MCC: variants seen among roughly 807,000 people sequenced by gnomAD.
MCC encodes the protein MCC regulator of Wnt signaling pathway.
A neutral mutation model predicts 116.2 loss-of-function variants in MCC; 90 were observed. That is an observed-to-expected ratio of 0.77 (90% CI 0.65 to 0.92). The LOEUF is 0.92. MCC is among the 40% of genes least tolerant of loss of function. The probability of loss-of-function intolerance (pLI) is 0.00; values close to 1 mark genes in which losing one functional copy is unlikely to be tolerated. For missense variants in MCC, 1,516 were observed against 1,312.2 expected (o/e 1.16, Z -2.40); for synonymous variants, 578 against 510.5 (o/e 1.13, Z -1.78).
intron 4 of MCC, among the ~76,000 whole-genome samples, chr5:113,145,771 CA>C (rs1759470515): frequency 2.7e-3 from 65 of 23,864 alleles, no homozygotes; most frequent in Middle Eastern, 0.028. Context: ...CACACACACA[CA>C]CACACACACA....
intron 3 of MCC, among the ~76,000 whole-genome samples, chr5:113,256,731 G>C (rs953008582): frequency 2.0e-5 from 3 of 152,196 alleles, no homozygotes; most frequent in Non-Finnish European, 2.9e-5. Context: ...GGCCGCTGCA[G>C]ACACTGCTAC....
intron 14 of MCC, among the ~76,000 whole-genome samples, chr5:113,061,184 A>T (rs974401054): frequency 1.3e-5 from 2 of 152,214 alleles, no homozygotes; most frequent in Non-Finnish European, 2.9e-5. Flanking sequence ...GGAGGTACCT[A>T]GAGGCTCACG....
intron 5 of MCC, among the ~76,000 whole-genome samples, chr5:113,138,035 CT>C (rs11353616): frequency 0.86 from 128,557 of 149,040 alleles, 55,927 homozygotes; most frequent in Non-Finnish European, 0.93. Context: ...TCCCAAAATT[CT>C]TTTTTTTTTT....
At chr5:113,443,972 A>C (rs576682819) in intron 1 of MCC, among the ~76,000 whole-genome samples, 4 of 143,834 alleles carry the variant, frequency 2.8e-5, no homozygotes, top group African/African-American at 1.1e-4. Flanking sequence ...ACAGGGGCCC[A>C]CCACCATGCT....
intron 3 of MCC, among the ~76,000 whole-genome samples, chr5:113,296,041 C>T (rs1766700859): frequency 6.6e-6 from 1 of 152,154 alleles, no homozygotes; most frequent in African/African-American, 2.4e-5. Context: ...TACCCATCCC[C>T]CTTCTTGTTG....
At chr5:113,029,547 G>T in intron 17 of MCC, among the ~76,000 whole-genome samples, 3 of 152,148 alleles carry the variant, frequency 2.0e-5, no homozygotes, top group Middle Eastern at 6.8e-3. Flanking sequence ...TTGGTAGAGG[G>T]AGTAGATATG....
At chr5:113,103,116 AAAAAATAAT>A (rs761030510) in intron 7 of MCC, among the ~76,000 whole-genome samples, 2 of 152,276 alleles carry the variant, frequency 1.3e-5, no homozygotes. Context: ...TCCGTCTAAA[AAAAAATAAT>A]AAAAATAATA....
chr5:113,364,927 G>A (rs1768648605), intron 2 of MCC, among the ~76,000 whole-genome samples: 2 of 152,246 alleles, frequency 1.3e-5, no homozygotes, highest in Admixed American at 1.3e-4. Context: ...CAGGTCTCTG[G>A]GCATGGCCAT....
intron 1 of MCC, chr5:113,399,948 A>G (rs1381031158): frequency 6.6e-6 from 1 of 152,126 alleles, no homozygotes; most frequent in Non-Finnish European, 1.5e-5. Flanking sequence ...TCCAGGTGAA[A>G]CGTCAAGAAT....
intron 1 of MCC, among the ~76,000 whole-genome samples, chr5:113,465,489 A>G (rs1771875994): frequency 1.3e-5 from 2 of 152,250 alleles, no homozygotes; most frequent in South Asian, 2.1e-4. Flanking sequence ...AACATACGCA[A>G]AAGGAAAAAG....
At chr5:113,371,423 C>T (rs892273045) in intron 2 of MCC, among the ~76,000 whole-genome samples, 7 of 151,948 alleles carry the variant, frequency 4.6e-5, no homozygotes, top group Non-Finnish European at 1.0e-4. Flanking sequence ...AATTCAAGGG[C>T]AAAATTTTAT....
At chr5:113,431,234 G>A (rs1580364423) in intron 1 of MCC, among the ~76,000 whole-genome samples, 2 of 152,152 alleles carry the variant, frequency 1.3e-5, no homozygotes, top group African/African-American at 4.8e-5. Context: ...CAGATTAGTT[G>A]CATATGGTAG....
chr5:113,282,952 A>G (rs1766105777), intron 3 of MCC, among the ~76,000 whole-genome samples: 1 of 152,188 alleles, frequency 6.6e-6, no homozygotes, highest in Admixed American at 6.5e-5. Context: ...GTTGGTGGAA[A>G]ACTGTTACTC....
At chr5:113,295,075 A>C in intron 3 of MCC, 1 of 385,924 alleles carries the variant, frequency 2.6e-6, no homozygotes, top group South Asian at 1.1e-4. Flanking sequence ...AGAGCAGAGC[A>C]GGCATCCTTC....
At chr5:113,031,987 C>A (rs1475677457) in intron 17 of MCC, among the ~76,000 whole-genome samples, 1 of 152,216 alleles carries the variant, frequency 6.6e-6, no homozygotes, top group Non-Finnish European at 1.5e-5. Flanking sequence ...CAGGAAAGAA[C>A]TATGATGCTC....
chr5:113,046,803 T>G (rs776529298), intron 16 of MCC, among the ~76,000 whole-genome samples: 8 of 151,060 alleles, frequency 5.3e-5, no homozygotes, highest in Non-Finnish European at 1.0e-4. Flanking sequence ...GCATGGCTGA[T>G]GCCCACCTGC....
At chr5:113,463,814 G>A (rs1039803470) in intron 1 of MCC, among the ~76,000 whole-genome samples, 4 of 152,126 alleles carry the variant, frequency 2.6e-5, no homozygotes, top group African/African-American at 7.2e-5. Flanking sequence ...GAGACGAAAC[G>A]TAAATACCTA....
At chr5:113,298,376 CATT>C (rs1366714936) in intron 3 of MCC, among the ~76,000 whole-genome samples, 1 of 152,152 alleles carries the variant, frequency 6.6e-6, no homozygotes. Context: ...ATTTCAAAGA[CATT>C]ACTGTCCTTC....
intron 3 of MCC, among the ~76,000 whole-genome samples, chr5:113,166,393 C>T (rs550799133): frequency 6.6e-6 from 1 of 152,092 alleles, no homozygotes; most frequent in African/African-American, 2.4e-5. Flanking sequence ...GGCATGGGAC[C>T]AAGTACAGCG....
Sources: allele counts gnomAD v4.1 joint callset (sites outside exome capture counted in the v4.1 genomes callset), GRCh38; gene constraint gnomAD v4.1.1; transcripts MANE v1.5; gene names NCBI Gene and HGNC (gene_info 2026-07-23, HGNC 2026-07-21).